The following TSPAN5 variants were observed in gnomAD, a reference collection of about 807,000 sequenced individuals.
The protein encoded by TSPAN5 is tetraspanin-5.
A neutral mutation model predicts 37.1 loss-of-function variants in TSPAN5; 10 were observed. That is an observed-to-expected ratio of 0.27 (90% CI 0.17 to 0.46). The LOEUF is 0.46. Ranked by LOEUF, TSPAN5 falls within the 20% of genes least tolerant of loss-of-function variation. The pLI, the probability that TSPAN5 is intolerant of heterozygous loss-of-function variation, is 1.00. For synonymous variants in TSPAN5, 110 were observed against 118.9 expected (o/e 0.93, Z 0.48); for missense variants, 195 against 326.6 (o/e 0.60, Z 3.11).
intron 1 of TSPAN5, among the ~76,000 whole-genome samples, chr4:98,514,269 C>A (rs546664205): frequency 1.3e-5 from 2 of 152,208 alleles, no homozygotes; most frequent in African/African-American, 4.8e-5. Context: ...CCTGAAGCTG[C>A]AGCACCTGTA....
chr4:98,635,270 A>G (rs67310180), intron 1 of TSPAN5, among the ~76,000 whole-genome samples: 1 of 152,204 alleles, frequency 6.6e-6, no homozygotes, highest in African/African-American at 2.4e-5. Flanking sequence ...AAACCCCCTT[A>G]AGGTCCTATC....
intron 1 of TSPAN5, among the ~76,000 whole-genome samples, chr4:98,621,856 G>A (rs1319310166): frequency 2.8e-5 from 4 of 144,928 alleles, no homozygotes; most frequent in Non-Finnish European, 4.5e-5. Flanking sequence ...TATTCTGTAC[G>A]TTTCATATAA....
chr4:98,565,311 AT>A (rs1754978315), intron 1 of TSPAN5, among the ~76,000 whole-genome samples: 1 of 152,206 alleles, frequency 6.6e-6, no homozygotes, highest in Admixed American at 6.5e-5. Context: ...CATGTTTCAT[AT>A]AACTGTTGAG....
At chr4:98,518,136 C>G (rs1371140934) in intron 1 of TSPAN5, among the ~76,000 whole-genome samples, 1 of 149,154 alleles carries the variant, frequency 6.7e-6, no homozygotes, top group Admixed American at 6.7e-5. Context: ...CTCAAGTGAT[C>G]CTCCCCCCTT....
chr4:98,486,537 G>C (rs996649525), intron 3 of TSPAN5: 23 of 557,528 alleles, frequency 4.1e-5, no homozygotes, highest in Non-Finnish European at 6.0e-5. Context: ...TGGTGGGGTG[G>C]TGGGGGTGGT....
At chr4:98,620,839 A>T (rs1207617321) in intron 1 of TSPAN5, among the ~76,000 whole-genome samples, 2 of 152,216 alleles carry the variant, frequency 1.3e-5, no homozygotes, top group Admixed American at 6.5e-5. Context: ...GCTTGACAGC[A>T]CTTAGAAGTC....
intron 1 of TSPAN5, among the ~76,000 whole-genome samples, chr4:98,614,779 T>C (rs1756281797): frequency 6.6e-6 from 1 of 152,204 alleles, no homozygotes; most frequent in Admixed American, 6.5e-5. Context: ...GGATGACGAA[T>C]GCCATCTTCT....
chr4:98,638,791 C>T (rs9790846), intron 1 of TSPAN5, among the ~76,000 whole-genome samples: 56,884 of 151,986 alleles, frequency 0.37, 10,715 homozygotes, highest in Middle Eastern at 0.5. Flanking sequence ...ATGAGATTCC[C>T]GGGTCAAGGA....
chr4:98,486,349 T>TG (rs1752958293), intron 3 of TSPAN5, among the ~76,000 whole-genome samples: 1 of 152,240 alleles, frequency 6.6e-6, no homozygotes, highest in South Asian at 2.1e-4. Context: ...ACTGTGCTTT[T>TG]GCCTGGTTTC....
In TSPAN5 at chr4:98,471,261, T is replaced by G. The variant is rs370702400; in HGVS notation, c.*1261A>C. ...AACTGGAGGAAGAAAAAGAAACCAT[T>G]AGAAGCTTTTGACTGGGTCAATGTT... On this transcript the variant is annotated 3_prime_UTR_variant, in exon 8 of 8. Transcript: ENST00000305798. The G allele has an allele frequency of 9.9e-5, 15 of 152,256 alleles. No homozygotes were observed. The South Asian group carries it at 1.5e-3, about 15-fold the overall frequency. The allele number at this position is 152,256 out of a possible 1,614,324, so 9.4% of individuals were successfully genotyped here. A position where few individuals can be genotyped will look rare whatever the true frequency, so the allele number is the denominator to read the frequency against.
At chr4:98,565,027 A>G (rs1432714955) in intron 1 of TSPAN5, among the ~76,000 whole-genome samples, 1 of 152,194 alleles carries the variant, frequency 6.6e-6, no homozygotes, top group Non-Finnish European at 1.5e-5. Context: ...TGGAAGTGCT[A>G]CAACAGCTGA....
intron 1 of TSPAN5, among the ~76,000 whole-genome samples, chr4:98,641,683 G>A (rs1002873008): frequency 3.3e-5 from 5 of 152,128 alleles, no homozygotes; most frequent in Non-Finnish European, 5.9e-5. Context: ...GCCAAGTGCC[G>A]ACTTCATCCT....
At chr4:98,557,067 G>A (rs1212326313) in intron 1 of TSPAN5, among the ~76,000 whole-genome samples, 1 of 152,020 alleles carries the variant, frequency 6.6e-6, no homozygotes, top group Admixed American at 6.6e-5. Flanking sequence ...AGAAAATCTG[G>A]AATCATATAC....
chr4:98,624,465 TACTAA>T lies in TSPAN5; in HGVS notation c.81+33676_81+33680del, dbSNP rs542052227. 2.3e-4 allele frequency among the ~76,000 whole-genome samples: 35 copies of T among 152,330 alleles called. 1 individual carries two copies. In the South Asian group the frequency reaches 7.0e-3, roughly 31 times the overall value. ...CGTATTAACATAAGTAACATTTCAT[TACTAA>T]GAGCTCCATAAGAAGTTACTTGATT... On this transcript the variant is annotated intron_variant, in intron 1 of 7. Transcript: ENST00000305798.
rs141537301 is a variant in TSPAN5 at position 98,565,957 on chromosome 4, T to C, written c.82-58229A>G. On this transcript the variant is annotated intron_variant, in intron 1 of 7. Transcript: ENST00000305798. ...TGAAGCAATTTAATACAAGCTTAGATAAAAAGCCAAGTGAACAATCTAGAA... is the reference window on the plus strand; with the variant it reads ...TGAAGCAATTTAATACAAGCTTAGACAAAAAGCCAAGTGAACAATCTAGAA... 1.8e-3 allele frequency among the ~76,000 whole-genome samples: 269 copies of C among 152,112 alleles called. 2 individuals carry two copies. The highest frequency in any genetic ancestry group is 6.3e-3 in the African/African-American group (261 of 41,498).
At chr4:98,590,679 C>T (rs911340676) in intron 1 of TSPAN5, among the ~76,000 whole-genome samples, 1 of 149,542 alleles carries the variant, frequency 6.7e-6, no homozygotes, top group Non-Finnish European at 1.5e-5. Flanking sequence ...CACTGCACTC[C>T]AGCCTGGGCG....
intron 1 of TSPAN5, among the ~76,000 whole-genome samples, chr4:98,541,058 A>G (rs1437907610): frequency 1.3e-5 from 2 of 152,164 alleles, no homozygotes; most frequent in East Asian, 3.8e-4. Flanking sequence ...TTTTGGATAA[A>G]TCATTTTCTC....
At chr4:98,480,204 T>A (rs1248466918) in intron 4 of TSPAN5, among the ~76,000 whole-genome samples, 1 of 152,180 alleles carries the variant, frequency 6.6e-6, no homozygotes, top group Non-Finnish European at 1.5e-5. Flanking sequence ...ATTGCACATT[T>A]TAAAGTATAC....
chr4:98,573,606 A>G (rs114969805), intron 1 of TSPAN5, among the ~76,000 whole-genome samples: 92 of 152,364 alleles, frequency 6.0e-4, no homozygotes, highest in African/African-American at 2.1e-3. Flanking sequence ...AATCTAAATC[A>G]TCACTTGAAA....
Sources: allele counts gnomAD v4.1 joint callset (sites outside exome capture counted in the v4.1 genomes callset), GRCh38; gene constraint gnomAD v4.1.1; transcripts MANE v1.5; gene names NCBI Gene and HGNC (gene_info 2026-07-23, HGNC 2026-07-21).